The following ESYT3 variants were observed in gnomAD, a reference collection of about 807,000 sequenced individuals.
The protein encoded by ESYT3 is extended synaptotagmin 3, also known as extended synaptotagmin-3.
ESYT3 carries 101 observed loss-of-function variants against 111.5 expected under a neutral mutation model. The observed-to-expected ratio is 0.91, with a 90% confidence interval of 0.77 to 1.07. ESYT3 has a LOEUF of 1.07. Among genes scored for constraint, ESYT3 ranks in the 50% least tolerant of loss-of-function variants. The probability of loss-of-function intolerance (pLI) is 0.00; values close to 1 mark genes in which losing one functional copy is unlikely to be tolerated. For missense variants in ESYT3, 1,097 were observed against 1,109.4 expected (o/e 0.99, Z 0.16); for synonymous variants, 416 against 446.8 (o/e 0.93, Z 0.87).
intron 2 of ESYT3, among the ~76,000 whole-genome samples, chr3:138,453,902 G>A (rs2032102663): frequency 6.6e-6 from 1 of 152,172 alleles, no homozygotes; most frequent in Non-Finnish European, 1.5e-5. Flanking sequence ...GCCCAAGCTG[G>A]CCTTGAACTC....
chr3:138,473,514 G>A, intron 18 of ESYT3, 22 bp from the exon 19 acceptor site: 2 of 1,607,286 alleles, frequency 1.2e-6, no homozygotes, highest in Non-Finnish European at 8.5e-7. Flanking sequence ...GGCGAGAGAA[G>A]TGATGGGCTC....
At chr3:138,449,350 C>G (rs1011440876) in intron 1 of ESYT3, among the ~76,000 whole-genome samples, 1 of 151,958 alleles carries the variant, frequency 6.6e-6, no homozygotes, top group Non-Finnish European at 1.5e-5. Context: ...CCTCCCAAAG[C>G]GCTGGGATTA....
intron 1 of ESYT3, among the ~76,000 whole-genome samples, chr3:138,447,609 T>TA (rs2031630408): frequency 6.6e-6 from 1 of 152,112 alleles, no homozygotes; most frequent in Non-Finnish European, 1.5e-5. Flanking sequence ...CCAACAGATT[T>TA]AAATCAAAGA....
chr3:138,463,037 T>C (rs1216771551), intron 8 of ESYT3, among the ~76,000 whole-genome samples: 2 of 152,194 alleles, frequency 1.3e-5, no homozygotes, highest in Admixed American at 1.3e-4. Flanking sequence ...ATTCCCCCTT[T>C]CTTCGATAGA....
intron 20 of ESYT3, among the ~76,000 whole-genome samples, 185 bp from the exon 21 acceptor site, chr3:138,476,038 A>G (rs2033465129): frequency 6.6e-6 from 1 of 152,206 alleles, no homozygotes; most frequent in Non-Finnish European, 1.5e-5. Flanking sequence ...GGATTTTGTG[A>G]ACAACACTGG....
chr3:138,471,078 G>A, intron 17 of ESYT3, 52 bp downstream of exon 17: 1 of 1,495,376 alleles, frequency 6.7e-7, no homozygotes, highest in South Asian at 1.1e-5. Context: ...TCTGGCAATG[G>A]AGCAAGGTGT....
At chr3:138,453,488 G>A (rs932748789) in intron 2 of ESYT3, among the ~76,000 whole-genome samples, 1 of 152,192 alleles carries the variant, frequency 6.6e-6, no homozygotes, top group Non-Finnish European at 1.5e-5. Flanking sequence ...GGTTTGGAGA[G>A]GCCTTTGAGA....
In ESYT3 at chr3:138,473,634, G is replaced by A. The variant is rs200630035; in HGVS notation, c.2336G>A (p.Arg779Lys). The change falls in exon 19 of 23, where the codon AGA (arginine) becomes AAA (lysine). Residue 779 changes from arginine (R) to lysine (K), a missense_variant and splice_region_variant. Transcript: ENST00000389567. ...CTCAGCGTGCTAATCAATGGCTGCA[G>A]GTAAAGGGATTCTAGGGCCAGGGAG... ...RCLSVLINGC[R>K]NLTPCTSSGA... 6.3e-5 allele frequency: 101 copies of A among 1,613,010 alleles called. 2 individuals carry two copies. In the South Asian group the frequency reaches 1.1e-3, roughly 17 times the overall value.
In ESYT3 at chr3:138,472,647, C is replaced by T. The variant is rs1219237114; in HGVS notation, c.2025C>T (p.Phe675=). ...EPKGKDSAKR[F]CEPIGEKKSP... is the part of the protein sequence containing the mutation. ...AAGGCAAGGACAGTGCCAAAAGGTT[C>T]TGTGAGCCCATCGGGGAGAAGAAGA... Residue 675 remains phenylalanine (F), a synonymous_variant, in exon 18 of 23, where the codon TTC becomes TTT. Coordinates refer to ENST00000389567, the MANE Select transcript of ESYT3 (RefSeq NM_031913.5). 3 of 1,614,122 alleles carry T rather than the reference C, an allele frequency of 1.9e-6. No individual in the cohort carries two copies. In the Admixed American group the frequency reaches 5.0e-5, roughly 27 times the overall value.
At chr3:138,450,545 G>T (rs1040463184) in intron 1 of ESYT3, among the ~76,000 whole-genome samples, 13 of 152,210 alleles carry the variant, frequency 8.5e-5, no homozygotes, top group South Asian at 4.1e-4. Flanking sequence ...ATAGGCCACT[G>T]CCCAGAGCAA....
intron 15 of ESYT3, 117 bp from the exon 16 acceptor site, chr3:138,469,943 A>G (rs1386328929): frequency 1.3e-6 from 1 of 763,586 alleles, no homozygotes; most frequent in East Asian, 2.9e-5. Context: ...GTCTGATCCC[A>G]GGGCATATAG....
chr3:138,455,599 ACTTTT>A (rs747984037), intron 3 of ESYT3, among the ~76,000 whole-genome samples: 3 of 152,092 alleles, frequency 2.0e-5, no homozygotes, highest in Non-Finnish European at 4.4e-5. Context: ...AGATATTTCC[ACTTTT>A]CTTAAGGAAA....
intron 5 of ESYT3, 82 bp downstream of exon 5, chr3:138,459,335 T>A: frequency 8.4e-7 from 1 of 1,193,234 alleles, no homozygotes; most frequent in Non-Finnish European, 1.2e-6. Flanking sequence ...CATGCCAGAG[T>A]AGGCCGCAGA....
chr3:138,449,658 C>T (rs558756635), intron 1 of ESYT3, among the ~76,000 whole-genome samples: 2 of 152,242 alleles, frequency 1.3e-5, no homozygotes, highest in African/African-American at 2.4e-5. Context: ...CCTGAAGTCA[C>T]AAAACAACCC....
chr3:138,445,498 G>A (rs1051393158), intron 1 of ESYT3, among the ~76,000 whole-genome samples: 1 of 152,224 alleles, frequency 6.6e-6, no homozygotes, highest in African/African-American at 2.4e-5. Context: ...CACCAACCGT[G>A]TTCCTCTTTC....
At chr3:138,480,985 A>AAGAT (rs1171074874), downstream of ESYT3, 18 of 152,348 alleles carry the variant, frequency 1.2e-4, no homozygotes, top group East Asian at 1.3e-3. Flanking sequence ...ACAAAGGGAA[A>AAGAT]AGATAGACTT....
Position 138,434,696 on chromosome 3 carries a change from C to T in ESYT3, c.-103C>T. On this transcript the variant is annotated 5_prime_UTR_variant, in exon 1 of 23. Transcript: ENST00000389567. ...GTCCCAGCAGGGCAAGGGGGCGCGG[C>T]GTCCTGGTCCTCGAGCTTGGGAGAC... The T allele has an allele frequency of 2.8e-6, 3 of 1,055,476 alleles. No individual in the cohort carries two copies. The highest frequency in any genetic ancestry group is 3.5e-5 in the South Asian group (2 of 57,322). 65.4% of individuals were successfully genotyped at this position (1,055,476 alleles called of 1,614,324 possible).
chr3:138,468,837 C>G lies in ESYT3; in HGVS notation c.1390C>G (p.Leu464Val), dbSNP rs756156793. ...GCTGCAGAGAAACCCTTTTGACTAC[C>G]TGAATGGTGAATATCGAGCCAAAAA... is the stretch of plus-strand genomic sequence containing the variant. ...CNLPRNPFDYLNGEYRAKKLS... is the reference protein window; with the variant it reads ...CNLPRNPFDYVNGEYRAKKLS... Residue 464 changes from leucine (L) to valine (V), a missense_variant, in exon 14 of 23, where the codon CTG becomes GTG. Leu to Val is a conservative substitution (Grantham distance 32, BLOSUM62 1). Coordinates refer to ENST00000389567, the MANE Select transcript of ESYT3 (RefSeq NM_031913.5). 2 of 1,614,174 alleles carry G rather than the reference C, an allele frequency of 1.2e-6. No individual in the cohort carries two copies. Among genetic ancestry groups the G allele is most frequent in the South Asian group, 1.1e-5 (1 of 91,088 alleles).
Position 138,450,502 on chromosome 3 carries a change from C to A in ESYT3, c.328-1546C>A, listed in dbSNP as rs988340924. 1.3e-5 allele frequency among the ~76,000 whole-genome samples: 2 copies of A among 152,182 alleles called. 1 individual carries two copies. Among genetic ancestry groups the A allele is most frequent in the South Asian group, 4.1e-4 (2 of 4,828 alleles). On this transcript the variant is annotated intron_variant, in intron 1 of 22. Transcript: ENST00000389567. ...GGGAACCAGGCCGTATTTTCTCTTC[C>A]GTACCTGGGAATATAAACTTTTCTG...
Sources: gnomAD v4.1 joint callset for allele counts (sites outside exome capture counted in the v4.1 genomes callset) on GRCh38, gnomAD v4.1.1 for gene constraint, MANE v1.5 for transcripts, NCBI Gene and HGNC (gene_info 2026-07-23, HGNC 2026-07-21) for gene names.